Variants in PCDH17 observed in about 807,000 individuals in gnomAD.
PCDH17 encodes the protein protocadherin 17, also known as protocadherin-17.
Under a neutral mutation model 67.7 loss-of-function variants are expected in PCDH17, and 21 were observed. The observed-to-expected ratio is 0.31, with a 90% CI of 0.22 to 0.45. The LOEUF (loss-of-function observed/expected upper bound fraction) is 0.45, where lower values mean the gene tolerates loss of function less well. Ranked by LOEUF, PCDH17 falls within the 20% of genes least tolerant of loss-of-function variation. The pLI is 1.00. For synonymous variants in PCDH17, 701 were observed against 656.7 expected (o/e 1.07, Z -1.03); for missense variants, 1,471 against 1,564.8 (o/e 0.94, Z 1.01).
At chr13:57,707,355 G>A (rs1391327602) in intron 3 of PCDH17, among the ~76,000 whole-genome samples, 6 of 151,644 alleles carry the variant, frequency 4.0e-5, no homozygotes, top group African/African-American at 1.2e-4. Context: ...GTGTGTGTGT[G>A]TGTGTGTGTG....
At chr13:57,711,027 G>C (rs1221579097) in intron 3 of PCDH17, among the ~76,000 whole-genome samples, 1 of 151,940 alleles carries the variant, frequency 6.6e-6, no homozygotes, top group Non-Finnish European at 1.5e-5. Context: ...AGTCTTCCTT[G>C]TTACCCTTGA....
At chr13:57,656,754 G>A (rs1955110645) in intron 1 of PCDH17, among the ~76,000 whole-genome samples, 1 of 152,124 alleles carries the variant, frequency 6.6e-6, no homozygotes, top group Non-Finnish European at 1.5e-5. Context: ...ACTGCCTCTG[G>A]AATAAAAAGG....
At chr13:57,696,310 A>T (rs1413460794) in intron 3 of PCDH17, among the ~76,000 whole-genome samples, 1 of 151,418 alleles carries the variant, frequency 6.6e-6, no homozygotes, top group African/African-American at 2.4e-5. Context: ...AAATTATTTA[A>T]ATCTTTATTT....
intron 1 of PCDH17, among the ~76,000 whole-genome samples, chr13:57,636,907 AG>A (rs1954830710): frequency 6.6e-6 from 1 of 152,146 alleles, no homozygotes; most frequent in South Asian, 2.1e-4. Flanking sequence ...GTAAAAATGA[AG>A]GTGGTGCAGA....
Position 57,728,483 on chromosome 13 carries a change from A to G in PCDH17, c.*3189A>G, listed in dbSNP as rs1227155033. 1 of 151,088 alleles carries G rather than the reference A, an allele frequency of 6.6e-6. No individual in the cohort carries two copies. The highest frequency in any genetic ancestry group is 6.6e-5 in the Admixed American group (1 of 15,094). The allele number at this position is 151,088 out of a possible 1,614,324, so 9.4% of individuals were successfully genotyped here. A position where few individuals can be genotyped will look rare whatever the true frequency, so the allele number is the denominator to read the frequency against. The stretch of plus-strand genomic sequence containing the variant: ...TCACTTCATGGAAATTTCAGTAAGA[A>G]ACCCAAACTTCTAAAAATTGCTTGC... On this transcript the variant is annotated 3_prime_UTR_variant, in exon 4 of 4. Coordinates refer to ENST00000377918, the MANE Select transcript of PCDH17 (RefSeq NM_001040429.3).
intron 3 of PCDH17, among the ~76,000 whole-genome samples, chr13:57,689,304 A>G (rs1955535399): frequency 6.6e-6 from 1 of 152,000 alleles, no homozygotes; most frequent in African/African-American, 2.4e-5. Flanking sequence ...AGAGAAAATG[A>G]CCAGTGCATT....
chr13:57,713,157 C>G (rs992968119), intron 3 of PCDH17, among the ~76,000 whole-genome samples: 4 of 151,642 alleles, frequency 2.6e-5, no homozygotes, highest in African/African-American at 9.7e-5. Context: ...TTCCTGACCT[C>G]TTCTACCAAT....
chr13:57,689,654 A>G (rs1204950969), intron 3 of PCDH17, among the ~76,000 whole-genome samples: 1 of 152,004 alleles, frequency 6.6e-6, no homozygotes, highest in Non-Finnish European at 1.5e-5. Context: ...ATTTTTCTGT[A>G]TATGCATAAT....
intron 3 of PCDH17, among the ~76,000 whole-genome samples, chr13:57,696,869 A>C (rs952463253): frequency 6.6e-6 from 1 of 151,590 alleles, no homozygotes; most frequent in Non-Finnish European, 1.5e-5. Flanking sequence ...GAAAGGAGTC[A>C]AATATAAAGG....
chr13:57,677,622 G>A (rs774691421), intron 3 of PCDH17, among the ~76,000 whole-genome samples: 6 of 151,834 alleles, frequency 4.0e-5, no homozygotes, highest in Non-Finnish European at 8.8e-5. Flanking sequence ...AAGCTACATA[G>A]TCACAGTGGC....
intron 3 of PCDH17, among the ~76,000 whole-genome samples, chr13:57,686,479 G>T (rs1490322491): frequency 6.6e-6 from 1 of 151,910 alleles, no homozygotes; most frequent in Non-Finnish European, 1.5e-5. Flanking sequence ...TTGTAGGAGA[G>T]CAAAGATGAT....
Position 57,632,485 on chromosome 13 carries a change from C to G in PCDH17, c.-62C>G, listed in dbSNP as rs118157005. On this transcript the variant is annotated 5_prime_UTR_variant, in exon 1 of 4. Coordinates refer to ENST00000377918, the MANE Select transcript of PCDH17 (RefSeq NM_001040429.3). ...ACGCTGCGCCAGGGCCCCAGGCTGGCGCGCACTCCCTCTCTGGCTCCTCCA... is the reference window on the plus strand; with the variant it reads ...ACGCTGCGCCAGGGCCCCAGGCTGGGGCGCACTCCCTCTCTGGCTCCTCCA... The G allele has an allele frequency of 2.6e-4, 397 of 1,517,628 alleles. No individual in the cohort carries two copies. The highest frequency in any genetic ancestry group is 3.4e-4 in the Non-Finnish European group (385 of 1,125,054). The allele number at this position is 1,517,628 out of a possible 1,614,324, so 94.0% of individuals were successfully genotyped here.
intron 3 of PCDH17, 51 bp downstream of exon 3, chr13:57,666,884 A>G (rs1423015845): frequency 9.8e-6 from 14 of 1,425,224 alleles, no homozygotes; most frequent in Non-Finnish European, 1.3e-5. Flanking sequence ...AGCAGTCATT[A>G]TAAACCTATT....
intron 3 of PCDH17, among the ~76,000 whole-genome samples, chr13:57,718,150 G>T (rs1432466307): frequency 1.3e-5 from 2 of 151,974 alleles, no homozygotes. Flanking sequence ...TGCTATAGAA[G>T]AATAGCTTAG....
At chr13:57,691,923 A>G (rs1418386285) in intron 3 of PCDH17, among the ~76,000 whole-genome samples, 2 of 151,224 alleles carry the variant, frequency 1.3e-5, no homozygotes, top group Non-Finnish European at 3.0e-5. Flanking sequence ...TTGAATGCAT[A>G]TCAGACTGTC....
rs1955935949 is a variant in PCDH17, at chr13:57,729,302, A to G, written c.*4008A>G. On this transcript the variant is annotated 3_prime_UTR_variant, in exon 4 of 4. Coordinates refer to ENST00000377918, the MANE Select transcript of PCDH17 (RefSeq NM_001040429.3). ...AAATGAGGACTCCGAATAAAAAGCTATTACTAATAGTGGTGTTGCCTTCCC... is the reference window on the plus strand; with the variant it reads ...AAATGAGGACTCCGAATAAAAAGCTGTTACTAATAGTGGTGTTGCCTTCCC... The G allele has an allele frequency of 6.6e-6, 1 of 152,138 alleles. No homozygotes were observed. The highest frequency in any genetic ancestry group is 1.5e-5 in the Non-Finnish European group (1 of 68,002). 9.4% of individuals were successfully genotyped at this position (152,138 alleles called of 1,614,324 possible).
At position 57,688,182 on chromosome 13, in the gene PCDH17, C is replaced by G. The variant is rs147516305; in HGVS notation, c.2797+21349C>G. Among the ~76,000 whole-genome samples, 716 of 151,802 alleles carry G rather than the reference C, an allele frequency of 4.7e-3. 8 individuals are homozygous for G. The highest frequency in any genetic ancestry group is 0.014 in the African/African-American group (578 of 41,440). On this transcript the variant is annotated intron_variant, in intron 3 of 3. Transcript: ENST00000377918. ...ATATTTGGGGCATGGTGGTGCACAC[C>G]TGTAGTCCCAGCTACTCAGGAGGCT...
At chr13:57,631,017 C>T (rs957441947), upstream of PCDH17, among the ~76,000 whole-genome samples, 2 of 152,116 alleles carry the variant, frequency 1.3e-5, no homozygotes, top group African/African-American at 4.8e-5. Context: ...GGCCGCAGCT[C>T]TGCACCCCCT....
At chr13:57,669,374 C>A (rs929233406) in intron 3 of PCDH17, among the ~76,000 whole-genome samples, 1 of 151,790 alleles carries the variant, frequency 6.6e-6, no homozygotes, top group Non-Finnish European at 1.5e-5. Flanking sequence ...TATTTCTCCC[C>A]TTCCCCCTCT....
Sources: allele counts gnomAD v4.1 joint callset (sites outside exome capture counted in the v4.1 genomes callset), GRCh38; gene constraint gnomAD v4.1.1; transcripts MANE v1.5; gene names NCBI Gene and HGNC (gene_info 2026-07-23, HGNC 2026-07-21).